The following PIK3C2B variants were observed in gnomAD, a reference collection of about 807,000 sequenced individuals.
PIK3C2B encodes phosphatidylinositol-4-phosphate 3-kinase catalytic subunit type 2 beta.
Under a neutral mutation model 184.3 loss-of-function variants are expected in PIK3C2B, and 83 were observed. The observed-to-expected ratio is 0.45, with a 90% confidence interval of 0.38 to 0.54. PIK3C2B has a LOEUF of 0.54. Ranked by LOEUF, PIK3C2B falls within the 20% of genes least tolerant of loss-of-function variation. The pLI is 0.00. For synonymous variants in PIK3C2B, 779 were observed against 837.6 expected (o/e 0.93, Z 1.21); for missense variants, 1,736 against 2,113.5 (o/e 0.82, Z 3.50).
In PIK3C2B at chr1:204,447,399, T is replaced by C. The variant is rs1653968049; in HGVS notation, c.2489+37A>G. On this transcript the variant is annotated intron_variant, in intron 15 of 32. Transcript: ENST00000684373. The surrounding 1 kb of genome is among the most constrained non-coding windows in gnomAD (Gnocchi z 4.1). ...GGAGACTCAGTGCTGGGAGGTCAGA[T>C]GAAACATGACAGATTCAGTGGGGGC... is the stretch of plus-strand genomic sequence containing the variant. 6.3e-7 allele frequency: 1 copy of C among 1,595,720 alleles called. No homozygotes were observed. Among genetic ancestry groups the C allele is most frequent in the Non-Finnish European group, 8.6e-7 (1 of 1,165,506 alleles).
chr1:204,428,290 G>T, intron 29 of PIK3C2B, 70 bp from the exon 30 acceptor site: 1 of 907,038 alleles, frequency 1.1e-6, no homozygotes, highest in South Asian at 1.4e-5. Context: ...GAAGGGGACT[G>T]TTCCAGATGT....
In PIK3C2B at chr1:204,434,507, A is replaced by G. The variant is rs762365572; in HGVS notation, c.3618T>C (p.Thr1206=). The G allele has an allele frequency of 6.2e-7, 1 of 1,614,178 alleles. No individual in the cohort carries two copies. Among genetic ancestry groups the G allele is most frequent in the Non-Finnish European group, 8.5e-7 (1 of 1,179,984 alleles). ...CAAAATCAATGTGGAACATGTGACC[A>G]GTGGTCTTCAGCATGATGTTGTCAT... ...RHNDNIMLKT[T]GHMFHIDFGR... is the part of the protein sequence containing the mutation. Residue 1206 remains threonine (T), a synonymous_variant, in exon 24 of 33, where the codon ACT becomes ACC. Transcript: ENST00000684373.
intron 31 of PIK3C2B, among the ~76,000 whole-genome samples, chr1:204,426,428 G>A (rs761313488): frequency 6.6e-6 from 1 of 152,118 alleles, no homozygotes; most frequent in Admixed American, 6.6e-5. Context: ...GGGAAAGTCT[G>A]CCCTCAGATG....
intron 21 of PIK3C2B, among the ~76,000 whole-genome samples, chr1:204,440,789 T>TATATATATATA (rs1558239822): frequency 2.8e-5 from 4 of 142,746 alleles, no homozygotes; most frequent in African/African-American, 1.1e-4. Context: ...ATATATATAT[T>TATATATATATA]TTTAGTAGAG....
At chr1:204,457,154 G>A (rs1023800293) in intron 9 of PIK3C2B, 84 bp from the exon 10 acceptor site, 5 of 1,200,956 alleles carry the variant, frequency 4.2e-6, no homozygotes, top group Admixed American at 2.2e-5. Context: ...TCACAGCTGC[G>A]CTCATCTGGA....
At position 204,442,592 on chromosome 1, in the gene PIK3C2B, A is replaced by T; in HGVS notation, c.3090T>A (p.Phe1030Leu). The T allele has an allele frequency of 6.4e-7, 1 of 1,556,480 alleles. No individual in the cohort carries two copies. Among genetic ancestry groups the T allele is most frequent in the Non-Finnish European group, 8.7e-7 (1 of 1,149,522 alleles). Residue 1030 changes from phenylalanine (F) to leucine (L), a missense_variant, in exon 20 of 33, where the codon TTT becomes TTA. Transcript: ENST00000684373. ...RTGLEEVKQFFALNGSCRLPL... is the reference protein window; with the variant it reads ...RTGLEEVKQFLALNGSCRLPL... Reference sequence around the variant, plus strand: ...GCAAGCGGCACGAGCCATTGAGGGCAAAGAACTGCTTCACCTCCTCCAGGC... The same window carrying T: ...GCAAGCGGCACGAGCCATTGAGGGCTAAGAACTGCTTCACCTCCTCCAGGC...
At chr1:204,434,698 C>A in intron 23 of PIK3C2B, 90 bp from the exon 24 acceptor site, 1 of 996,304 alleles carries the variant, frequency 1.0e-6, no homozygotes, top group Non-Finnish European at 1.5e-6. Context: ...CTCAGCCAGC[C>A]CTGGCCTCTC....
chr1:204,456,908 C>CACA lies in PIK3C2B; in HGVS notation c.1747+128_1747+129insTGT, dbSNP rs1558257293. ...CACACACACACACACACACACACAC[C>CACA]CACACACACACACACACCAGCCGAA... On this transcript the variant is annotated intron_variant, in intron 10 of 32. Transcript: ENST00000684373. 8.0e-4 allele frequency: 171 copies of CACA among 214,962 alleles called. 3 individuals carry two copies. The highest frequency in any genetic ancestry group is 4.2e-3 in the East Asian group (32 of 7,638). The allele number at this position is 214,962 out of a possible 1,614,324, so 13.3% of individuals were successfully genotyped here.
At chr1:204,455,721 C>T in intron 11 of PIK3C2B, 135 bp downstream of exon 11, 1 of 714,992 alleles carries the variant, frequency 1.4e-6, no homozygotes, top group Non-Finnish European at 2.3e-6. Context: ...CCCCCGCAGC[C>T]CCATTGCACC....
intron 30 of PIK3C2B, 145 bp from the exon 31 acceptor site, chr1:204,427,899 G>C (rs994449211): frequency 1.5e-6 from 1 of 663,332 alleles, no homozygotes; most frequent in Non-Finnish European, 2.7e-6. Flanking sequence ...AATGTGATTA[G>C]AGTTAATTGG....
chr1:204,468,552 A>G (rs16853781), intron 2 of PIK3C2B, among the ~76,000 whole-genome samples: 25,067 of 152,238 alleles, frequency 0.16, 2,423 homozygotes, highest in East Asian at 0.4. Context: ...AATGAATCCC[A>G]TAACTCCCAA....
chr1:204,442,083 A>G (rs191266914), intron 20 of PIK3C2B, among the ~76,000 whole-genome samples: 3 of 152,244 alleles, frequency 2.0e-5, no homozygotes, highest in East Asian at 3.9e-4. Context: ...CCCAACCTCC[A>G]ACCCAATTCC....
At chr1:204,454,621 AG>A in intron 12 of PIK3C2B, 47 bp downstream of exon 12, 1 of 1,602,824 alleles carries the variant, frequency 6.2e-7, no homozygotes, top group Non-Finnish European at 8.5e-7. Flanking sequence ...TCAGAGGCTG[AG>A]CAGGTCTACA....
intron 22 of PIK3C2B, among the ~76,000 whole-genome samples, 174 bp downstream of exon 22, chr1:204,440,012 GTTTTAC>G (rs1403933225): frequency 1.0e-5 from 1 of 96,612 alleles, no homozygotes; most frequent in East Asian, 3.3e-4. Context: ...CACCAAGTCT[GTTTTAC>G]TTTATAACAG....
intron 2 of PIK3C2B, chr1:204,466,834 G>A: frequency 1.9e-6 from 1 of 532,876 alleles, no homozygotes; most frequent in Non-Finnish European, 3.9e-6. Context: ...CTGCCGGGCA[G>A]AGGCTGGCAG....
At position 204,431,707 on chromosome 1, in the gene PIK3C2B, A is replaced by T. The variant is rs779283019; in HGVS notation, c.4242T>A (p.Asn1414Lys). The T allele has an allele frequency of 6.2e-7, 1 of 1,614,174 alleles. No individual in the cohort carries two copies. The highest frequency in any genetic ancestry group is 8.5e-7 in the Non-Finnish European group (1 of 1,180,036). ...AAGAAGGGAAGAGCAGCCGCAACTTATTGTGTAATTCCTGGAACTCCTCAA... is the reference window on the plus strand; with the variant it reads ...AAGAAGGGAAGAGCAGCCGCAACTTTTTGTGTAATTCCTGGAACTCCTCAA... ...RTFEEFQELH[N>K]KLRLLFPSSH... The change falls in exon 28 of 33, where the codon AAT becomes AAA. Residue 1414 changes from asparagine (N) to lysine (K), a missense_variant. Coordinates refer to ENST00000684373, the MANE Select transcript of PIK3C2B (RefSeq NM_001377334.1).
chr1:204,472,143 C>A (rs894008148), intron 1 of PIK3C2B, among the ~76,000 whole-genome samples: 2 of 148,274 alleles, frequency 1.3e-5, no homozygotes, highest in Non-Finnish European at 1.5e-5. Flanking sequence ...ACCCCAGCTG[C>A]AACATTAGCA....
At chr1:204,472,399 G>C (rs938667871) in intron 1 of PIK3C2B, among the ~76,000 whole-genome samples, 1 of 151,702 alleles carries the variant, frequency 6.6e-6, no homozygotes, top group African/African-American at 2.4e-5. Context: ...TCCTGACCTC[G>C]TGATCCACCC....
Position 204,427,744 on chromosome 1 carries a change from C to T in PIK3C2B, c.4491G>A (p.Trp1497Ter). 1 of 1,613,130 alleles carries T rather than the reference C, an allele frequency of 6.2e-7. No individual in the cohort carries two copies. Among genetic ancestry groups the T allele is most frequent in the Non-Finnish European group, 8.5e-7 (1 of 1,179,068 alleles). ...SPAPKSSDGT[W>*]ARPVGKVGGE... is the part of the protein sequence containing the mutation. ...CTCCCACCTTTCCGACGGGCCGGGC[C>T]CATGTGCCATCTGTAGGGACAAATG... Residue 1497 changes from tryptophan (W) to a stop codon, truncating the protein, a stop_gained, in exon 31 of 33, where the codon TGG (tryptophan) becomes TGA (stop). Coordinates refer to ENST00000684373, the MANE Select transcript of PIK3C2B (RefSeq NM_001377334.1). LOFTEE classifies it high-confidence loss of function.
Sources: allele counts gnomAD v4.1 joint callset (sites outside exome capture counted in the v4.1 genomes callset), GRCh38; gene constraint gnomAD v4.1.1; non-coding constraint Gnocchi (gnomAD v3.1); transcripts MANE v1.5; gene names NCBI Gene and HGNC (gene_info 2026-07-23, HGNC 2026-07-21).